The following PHLDB1 variants were observed in gnomAD, a reference collection of about 807,000 sequenced individuals.
PHLDB1 encodes pleckstrin homology like domain family B member 1.
A neutral mutation model predicts 139.3 loss-of-function variants in PHLDB1; 65 were observed. The ratio of observed to expected loss-of-function variants is 0.47; its 90% CI spans 0.38 to 0.57. The LOEUF (loss-of-function observed/expected upper bound fraction) is 0.57. Among genes scored for constraint, PHLDB1 ranks in the 20% least tolerant of loss-of-function variants. The probability of loss-of-function intolerance (pLI) is 0.00; values close to 1 mark genes in which losing one functional copy is unlikely to be tolerated. For missense variants in PHLDB1, 1,624 were observed against 1,839.7 expected (o/e 0.88, Z 2.14); for synonymous variants, 679 against 734.5 (o/e 0.92, Z 1.22).
chr11:118,627,248 C>T (rs1555102347), intron 5 of PHLDB1, 57 bp from the exon 6 acceptor site: 1 of 1,573,044 alleles, frequency 6.4e-7, no homozygotes, highest in Non-Finnish European at 8.7e-7. Context: ...GGCTAGTGCT[C>T]TGGCTTTTAT....
At chr11:118,619,402 A>T (rs1942311374) in intron 4 of PHLDB1, among the ~76,000 whole-genome samples, 1 of 152,136 alleles carries the variant, frequency 6.6e-6, no homozygotes. Context: ...GGGATCTAGG[A>T]CATTCAGCCT....
chr11:118,614,574 C>A lies in PHLDB1; in HGVS notation c.76C>A (p.Leu26Met). The A allele has an allele frequency of 6.2e-7, 1 of 1,613,934 alleles. No individual in the cohort carries two copies. Among genetic ancestry groups the A allele is most frequent in the Non-Finnish European group, 8.5e-7 (1 of 1,179,930 alleles). ...CTACCTACAGAAAGGACCCTTGGAC[C>A]TGATCGAGACAGGCAAAGGGCTGAA... Reference protein sequence around the residue: ...QTMVQKGPLDLIETGKGLKVQ... With the variant: ...QTMVQKGPLDMIETGKGLKVQ... Residue 26 changes from leucine (L) to methionine (M), a missense_variant, in exon 3 of 23, where the codon CTG (leucine) becomes ATG (methionine). Physicochemically the swap from Leu to Met is conservative, Grantham distance 15. Transcript: ENST00000600882.
chr11:118,614,732 A>C, intron 3 of PHLDB1, 50 bp downstream of exon 3: 1 of 1,587,578 alleles, frequency 6.3e-7, no homozygotes, highest in Non-Finnish European at 8.6e-7. Flanking sequence ...CCTTATAGGC[A>C]TTCCTGCCCT....
At position 118,627,620 on chromosome 11, in the gene PHLDB1, G is replaced by A; in HGVS notation, c.797G>A (p.Ser266Asn). Residue 266 changes from serine to asparagine, a missense_variant, in exon 6 of 23, where the codon AGC becomes AAC. By Grantham distance (46) the Ser-to-Asn change is conservative. Transcript: ENST00000600882. ...CTCTCTTCACCAGCCAGCAGTGGAA[G>A]CTGTGCCAGTCACTCACCCAGTGGG... ...SPLSSPASSG[S>N]CASHSPSGQE... 5 of 1,613,146 alleles carry A rather than the reference G, an allele frequency of 3.1e-6. No individual in the cohort carries two copies. The highest frequency in any genetic ancestry group is 2.2e-5 in the East Asian group (1 of 44,878).
In PHLDB1 at chr11:118,644,137, C is replaced by T; in HGVS notation, c.3084C>T (p.Asp1028=). 6.2e-7 allele frequency: 1 copy of T among 1,613,598 alleles called. No individual in the cohort carries two copies. Among genetic ancestry groups the T allele is most frequent in the Non-Finnish European group, 8.5e-7 (1 of 1,179,904 alleles). The change falls in exon 15 of 23, where the codon GAC becomes GAT. Residue 1028 remains aspartate (D), a synonymous_variant. Coordinates refer to ENST00000600882, the MANE Select transcript of PHLDB1 (RefSeq NM_001144758.3). The stretch of plus-strand genomic sequence containing the variant: ...GCAACCTGGCAGCCACACTGCAGGA[C>T]ATCGAGACCAAGCGCCAACTAGCTC... ...LPRNLAATLQ[D]IETKRQLALQ...
rs189906125 is a variant in PHLDB1, at chr11:118,635,377, G to A, written c.2380-16G>A. 2.6e-6 allele frequency: 4 copies of A among 1,563,932 alleles called. No individual in the cohort carries two copies. The African/African-American group carries it at 4.1e-5, about 16-fold the overall frequency. Reference sequence around the variant, plus strand: ...TTGCAAGCACCACCCAACCCCCTTTGTCACTGTCGTTGAAGGAGGCAGAGG... The same window carrying A: ...TTGCAAGCACCACCCAACCCCCTTTATCACTGTCGTTGAAGGAGGCAGAGG... On this transcript the variant is annotated splice_polypyrimidine_tract_variant and intron_variant, in intron 9 of 22. Coordinates refer to ENST00000600882, the MANE Select transcript of PHLDB1 (RefSeq NM_001144758.3).
upstream of PHLDB1, among the ~76,000 whole-genome samples, chr11:118,607,013 C>T (rs1939333298): frequency 1.3e-5 from 2 of 151,894 alleles, no homozygotes; most frequent in Non-Finnish European, 1.5e-5. Context: ...GCCTGATGTG[C>T]GTGGCTATCA....
In PHLDB1 at chr11:118,608,835, C is replaced by T. The variant is rs189953021; in HGVS notation, c.-22+1136C>T. Among the ~76,000 whole-genome samples, 102 of 152,230 alleles carry T rather than the reference C, an allele frequency of 6.7e-4. No individual in the cohort carries two copies. Among genetic ancestry groups the T allele is most frequent in the African/African-American group, 2.4e-3 (100 of 41,544 alleles). On this transcript the variant is annotated intron_variant, in intron 1 of 22. Transcript: ENST00000600882. This position sits in a 1 kb window ranked among gnomAD's most constrained non-coding sequence, Gnocchi z 6.7. Reference sequence around the variant, plus strand: ...CTCACAGGAAAGCGCCCCGCGCTCACGCAGCCCCTCACACCCGCAGCCCCG... The same window carrying T: ...CTCACAGGAAAGCGCCCCGCGCTCATGCAGCCCCTCACACCCGCAGCCCCG...
chr11:118,644,831 C>G (rs930368762), intron 15 of PHLDB1: 86 of 359,610 alleles, frequency 2.4e-4, no homozygotes, highest in Non-Finnish European at 4.0e-4. Flanking sequence ...GCTGGCCTCA[C>G]CCCTCCAGCT....
intron 17 of PHLDB1, chr11:118,646,750 T>C (rs914922555): frequency 3.9e-5 from 6 of 152,158 alleles, no homozygotes; most frequent in African/African-American, 1.2e-4. Flanking sequence ...GTGTCCACCA[T>C]TGGAGGCACT....
chr11:118,612,484 A>G (rs1213660660), intron 1 of PHLDB1, among the ~76,000 whole-genome samples: 2 of 152,158 alleles, frequency 1.3e-5, no homozygotes, highest in African/African-American at 2.4e-5. Flanking sequence ...ATGGCCAGGA[A>G]TTCTGGGGAG....
At position 118,656,777 on chromosome 11, in the gene PHLDB1, A is replaced by T; in HGVS notation, c.4088A>T (p.Asp1363Val). The T allele has an allele frequency of 6.2e-7, 1 of 1,614,014 alleles. No individual in the cohort carries two copies. Among genetic ancestry groups the T allele is most frequent in the Non-Finnish European group, 8.5e-7 (1 of 1,179,892 alleles). The change falls in exon 23 of 23, where the codon GAT (aspartate) becomes GTT (valine). Residue 1363 changes from aspartate (D) to valine (V), a missense_variant. Coordinates refer to ENST00000600882, the MANE Select transcript of PHLDB1 (RefSeq NM_001144758.3). The part of the protein sequence containing the change: ...PSAEAMRIWM[D>V]VIVTGAEGYT... ...GCAGAGGCCATGCGTATCTGGATGG[A>T]TGTCATTGTCACAGGGGCTGAGGGC...
At position 118,643,806 on chromosome 11, in the gene PHLDB1, C is replaced by T. The variant is rs782534742; in HGVS notation, c.2884C>T (p.Arg962Cys). ...CACTATCTTTTCTTTCCAGGTTTAC[C>T]GCTCCAAGATGGATGGCGAGGCCAC... ...AKASRQLQVY[R>C]SKMDGEATSP... Residue 962 changes from arginine to cysteine, a missense_variant, in exon 14 of 23, where the codon CGC (arginine) becomes TGC (cysteine). Coordinates refer to ENST00000600882, the MANE Select transcript of PHLDB1 (RefSeq NM_001144758.3). The T allele has an allele frequency of 1.2e-5, 20 of 1,613,974 alleles. No individual in the cohort carries two copies. In the Middle Eastern group the frequency reaches 4.9e-4, roughly 40 times the overall value.
chr11:118,618,321 C>T (rs1241151088), intron 4 of PHLDB1, among the ~76,000 whole-genome samples: 3 of 152,142 alleles, frequency 2.0e-5, no homozygotes, highest in Non-Finnish European at 2.9e-5. Flanking sequence ...AGTCCTCCCC[C>T]TCCCCTGGGC....
At chr11:118,626,326 T>C (rs1269037174) in intron 5 of PHLDB1, among the ~76,000 whole-genome samples, 2 of 152,016 alleles carry the variant, frequency 1.3e-5, no homozygotes, top group African/African-American at 2.4e-5. Context: ...CCCTGGAACT[T>C]CTGGCCAGCT....
chr11:118,609,828 G>T (rs898333072), intron 1 of PHLDB1, among the ~76,000 whole-genome samples: 2 of 152,208 alleles, frequency 1.3e-5, no homozygotes, highest in African/African-American at 4.8e-5. Context: ...CCGCTACCTT[G>T]CGGAAACCTC....
rs1471834248 is a variant in PHLDB1, at chr11:118,645,983, G to A, written c.3507+158G>A. Among the ~76,000 whole-genome samples, 2 of 152,108 alleles carry A rather than the reference G, an allele frequency of 1.3e-5. No individual in the cohort carries two copies. Among genetic ancestry groups the A allele is most frequent in the African/African-American group, 2.4e-5 (1 of 41,420 alleles). ...TGTTTTAAAAGGTTGTATTCTGGCC[G>A]GGCGCGGTGGCTCATGCCCGTAATC... On this transcript the variant is annotated intron_variant, in intron 17 of 22. Transcript: ENST00000600882. This position sits in a 1 kb window ranked among gnomAD's most constrained non-coding sequence, Gnocchi z 5.1.
In PHLDB1 at chr11:118,628,300, C is replaced by T. The variant is rs782104822; in HGVS notation, c.1477C>T (p.Arg493Trp). ...GGAAGTGGCAGAGAGTCCTCGGCCC[C>T]GGCGCTGGGCAGCCCATGGGGCTTC... ...NREVAESPRP[R>W]RWAAHGASPE... The change falls in exon 6 of 23, where the codon CGG (arginine) becomes TGG (tryptophan). Residue 493 changes from arginine (R) to tryptophan (W), a missense_variant. Coordinates refer to ENST00000600882, the MANE Select transcript of PHLDB1 (RefSeq NM_001144758.3). 23 of 1,613,740 alleles carry T rather than the reference C, an allele frequency of 1.4e-5. No homozygotes were observed. The highest frequency in any genetic ancestry group is 6.7e-5 in the Admixed American group (4 of 59,998).
At chr11:118,613,637 C>T in intron 1 of PHLDB1, 179 bp from the exon 2 acceptor site, 1 of 586,552 alleles carries the variant, frequency 1.7e-6, no homozygotes, top group Non-Finnish European at 2.9e-6. Flanking sequence ...AGACTTGGCA[C>T]TGCTCCCAGA....
Sources: gnomAD v4.1 joint callset for allele counts (sites outside exome capture counted in the v4.1 genomes callset) on GRCh38, gnomAD v4.1.1 for gene constraint, Gnocchi (gnomAD v3.1) non-coding constraint, MANE v1.5 for transcripts, NCBI Gene and HGNC (gene_info 2026-07-23, HGNC 2026-07-21) for gene names.